Variants in FAM76A observed in about 807,000 individuals in gnomAD.
FAM76A encodes family with sequence similarity 76 member A, also known as protein FAM76A.
A neutral mutation model predicts 46.2 loss-of-function variants in FAM76A; 32 were observed. The ratio of observed to expected loss-of-function variants is 0.69; its 90% CI spans 0.52 to 0.93. The LOEUF (loss-of-function observed/expected upper bound fraction) is 0.93, where lower values mean the gene tolerates loss of function less well. FAM76A is among the 40% of genes least tolerant of loss of function. The pLI is 0.00. For missense variants in FAM76A, 274 were observed against 361.5 expected (o/e 0.76, Z 1.96); for synonymous variants, 137 against 127.0 (o/e 1.08, Z -0.53).
chr1:27,750,567 A>G (rs1276222392), intron 6 of FAM76A, among the ~76,000 whole-genome samples: 1 of 152,202 alleles, frequency 6.6e-6, no homozygotes, highest in African/African-American at 2.4e-5. Context: ...CTATGGCTTT[A>G]GATTCATTTC....
At chr1:27,751,323 A>C (rs1312323699) in intron 6 of FAM76A, among the ~76,000 whole-genome samples, 2 of 151,652 alleles carry the variant, frequency 1.3e-5, no homozygotes, top group Non-Finnish European at 2.9e-5. Context: ...ACTTGTTTGC[A>C]TTTCTTTTTT....
intron 4 of FAM76A, among the ~76,000 whole-genome samples, chr1:27,735,189 T>A (rs1308603537): frequency 6.6e-6 from 1 of 152,248 alleles, no homozygotes; most frequent in Non-Finnish European, 1.5e-5. Context: ...TAGAGTCTCA[T>A]AACTGGCTCC....
chr1:27,742,370 CT>C (rs1051310004), intron 4 of FAM76A, among the ~76,000 whole-genome samples: 2 of 152,186 alleles, frequency 1.3e-5, no homozygotes, highest in African/African-American at 4.8e-5. Context: ...CCATGTTATG[CT>C]TTCCTAGCTT....
intron 1 of FAM76A, among the ~76,000 whole-genome samples, chr1:27,726,541 T>C (rs975369450): frequency 1.3e-5 from 2 of 152,140 alleles, no homozygotes; most frequent in African/African-American, 4.8e-5. Context: ...ACTCCAAAGT[T>C]GGGTGCTGCC....
Position 27,759,647 on chromosome 1 carries a change from T to A in FAM76A, c.837+20T>A, listed in dbSNP as rs750411172. 5 of 1,557,946 alleles carry A rather than the reference T, an allele frequency of 3.2e-6. No individual in the cohort carries two copies. Among genetic ancestry groups the A allele is most frequent in the Non-Finnish European group, 3.5e-6 (4 of 1,130,674 alleles). On this transcript the variant is annotated intron_variant, in intron 8 of 8. Coordinates refer to ENST00000373954, the MANE Select transcript of FAM76A (RefSeq NM_152660.3). ...CTGCAGGTGACTGACTCTGCTTATT[T>A]TATGTGCTAAAATTGTGTACCTACC... is the stretch of plus-strand genomic sequence containing the variant.
At chr1:27,745,426 G>T (rs1309097904) in intron 5 of FAM76A, among the ~76,000 whole-genome samples, 1 of 152,124 alleles carries the variant, frequency 6.6e-6, no homozygotes, top group Non-Finnish European at 1.5e-5. Context: ...CTGGCATATA[G>T]AAAATATTCA....
At position 27,761,975 on chromosome 1, in the gene FAM76A, A is replaced by G. The variant is rs1242716979; in HGVS notation, c.*1394A>G. 1 of 152,144 alleles carries G rather than the reference A, an allele frequency of 6.6e-6. No individual in the cohort carries two copies. Among genetic ancestry groups the G allele is most frequent in the Non-Finnish European group, 1.5e-5 (1 of 68,122 alleles). The allele number at this position is 152,144 out of a possible 1,614,324, so 9.4% of individuals were successfully genotyped here. A position where few individuals can be genotyped will look rare whatever the true frequency, so the allele number is the denominator to read the frequency against. On this transcript the variant is annotated 3_prime_UTR_variant, in exon 9 of 9. Transcript: ENST00000373954. ...GTGAGACTCCGTCTCAAAAAAAAAAAAAAAAGGAATAATATTTGAACTACA... is the reference window on the plus strand; with the variant it reads ...GTGAGACTCCGTCTCAAAAAAAAAAGAAAAAGGAATAATATTTGAACTACA...
intron 8 of FAM76A, 128 bp downstream of exon 8, chr1:27,759,755 C>T (rs1189116427): frequency 3.0e-6 from 2 of 661,736 alleles, no homozygotes; most frequent in Non-Finnish European, 4.9e-6. Flanking sequence ...TCATGTTAAT[C>T]CCCCTTTTAG....
At chr1:27,751,887 T>C (rs1233310239) in intron 6 of FAM76A, among the ~76,000 whole-genome samples, 1 of 151,968 alleles carries the variant, frequency 6.6e-6, no homozygotes, top group Non-Finnish European at 1.5e-5. Context: ...CACTGCAGCC[T>C]CGACCTCCTG....
chr1:27,749,063 A>G lies in FAM76A; in HGVS notation c.513-5A>G. On this transcript the variant is annotated splice_region_variant and splice_polypyrimidine_tract_variant and intron_variant, in intron 5 of 8. Coordinates refer to ENST00000373954, the MANE Select transcript of FAM76A (RefSeq NM_152660.3). Reference sequence around the variant, plus strand: ...TGTGTGTCTCTCTATTTTTGCCATTAAAAGCCAGAAAACACTTTCTACATC... The same window carrying G: ...TGTGTGTCTCTCTATTTTTGCCATTGAAAGCCAGAAAACACTTTCTACATC... 6.3e-7 allele frequency: 1 copy of G among 1,581,910 alleles called. No individual in the cohort carries two copies. The highest frequency in any genetic ancestry group is 2.2e-5 in the East Asian group (1 of 44,456).
At chr1:27,728,703 T>C (rs1557773120) in intron 2 of FAM76A, among the ~76,000 whole-genome samples, 1 of 152,136 alleles carries the variant, frequency 6.6e-6, no homozygotes, top group Non-Finnish European at 1.5e-5. Context: ...GGCTCATGCC[T>C]GTAAACCCAA....
At position 27,726,006 on chromosome 1, in the gene FAM76A, C is replaced by G; in HGVS notation, c.-75C>G. The G allele has an allele frequency of 8.6e-7, 1 of 1,168,822 alleles. No homozygotes were observed. Among genetic ancestry groups the G allele is most frequent in the Non-Finnish European group, 1.1e-6 (1 of 932,704 alleles). The allele number at this position is 1,168,822 out of a possible 1,614,324, so 72.4% of individuals were successfully genotyped here. A position where few individuals can be genotyped will look rare whatever the true frequency, so the allele number is the denominator to read the frequency against. ...CGCAGCCAGCAGCCTGCAGCCGCCG[C>G]CGGGTTGTGCCTCAGACTGTCAGAT... On this transcript the variant is annotated 5_prime_UTR_variant, in exon 1 of 9. Transcript: ENST00000373954.
chr1:27,749,755 T>G (rs911072705), intron 6 of FAM76A, among the ~76,000 whole-genome samples: 1 of 152,094 alleles, frequency 6.6e-6, no homozygotes, highest in Non-Finnish European at 1.5e-5. Flanking sequence ...TCTTGAGAGG[T>G]AAAGACAGGT....
At chr1:27,730,901 G>C (rs1208270135) in intron 2 of FAM76A, among the ~76,000 whole-genome samples, 38 of 151,774 alleles carry the variant, frequency 2.5e-4, no homozygotes, top group Admixed American at 2.5e-3. Flanking sequence ...CTGAAACCTT[G>C]AACTCCCAGG....
intron 4 of FAM76A, chr1:27,740,740 A>C: frequency 2.5e-6 from 1 of 401,080 alleles, no homozygotes; most frequent in Non-Finnish European, 4.5e-6. Context: ...TTTCTGAGCA[A>C]TTATTCATTC....
At chr1:27,745,275 G>A (rs2088223772) in intron 5 of FAM76A, among the ~76,000 whole-genome samples, 1 of 152,026 alleles carries the variant, frequency 6.6e-6, no homozygotes, top group South Asian at 2.1e-4. Context: ...GGCTCTGGAT[G>A]GAATGCTGGC....
intron 4 of FAM76A, among the ~76,000 whole-genome samples, 182 bp from the exon 5 acceptor site, chr1:27,744,472 G>A (rs1200691837): frequency 4.6e-5 from 7 of 152,140 alleles, no homozygotes; most frequent in African/African-American, 1.7e-4. Context: ...CTGGCACTAT[G>A]TTAAGTGCTT....
At position 27,740,130 on chromosome 1, in the gene FAM76A, C is replaced by T. The variant is rs1156588334; in HGVS notation, c.355-4524C>T. ...AGAAAGCTTTCAAAAGCAGCTAGTC[C>T]AGGACCTTTTCTTTGACATACATGT... is the stretch of plus-strand genomic sequence containing the variant. On this transcript the variant is annotated intron_variant, in intron 4 of 8. Coordinates refer to ENST00000373954, the MANE Select transcript of FAM76A (RefSeq NM_152660.3). 10 of 472,574 alleles carry T rather than the reference C, an allele frequency of 2.1e-5. 1 individual carries two copies. Among genetic ancestry groups the T allele is most frequent in the Non-Finnish European group, 3.7e-5 (9 of 244,456 alleles). 29.3% of individuals were successfully genotyped at this position (472,574 alleles called of 1,614,324 possible). A position where few individuals can be genotyped will look rare whatever the true frequency, so the allele number is the denominator to read the frequency against.
intron 6 of FAM76A, among the ~76,000 whole-genome samples, chr1:27,753,208 G>A (rs970085400): frequency 6.6e-6 from 1 of 152,188 alleles, no homozygotes; most frequent in Non-Finnish European, 1.5e-5. Context: ...GAGAGAGTTA[G>A]TGAGGTCAGT....
Sources: allele counts gnomAD v4.1 joint callset (sites outside exome capture counted in the v4.1 genomes callset), GRCh38; gene constraint gnomAD v4.1.1; transcripts MANE v1.5; gene names NCBI Gene and HGNC (gene_info 2026-07-23, HGNC 2026-07-21).